Variants in SLA observed in about 807,000 individuals in gnomAD.
SLA encodes src-like-adapter.
In SLA, 16 loss-of-function variants were observed where a neutral mutation model predicts 30.3. The ratio of observed to expected loss-of-function variants is 0.53; its 90% CI spans 0.36 to 0.80. The LOEUF is 0.80. Among genes scored for constraint, SLA ranks in the 30% least tolerant of loss-of-function variants. The pLI is 0.01. For missense variants in SLA, 310 were observed against 345.2 expected, an observed-to-expected ratio of 0.90 and a Z score of 0.81; for synonymous variants, 143 against 137.8, an observed-to-expected ratio of 1.04 and a Z score of -0.26.
rs1837915817 is a variant in SLA at position 133,040,039 on chromosome 8, G to A, written c.576C>T (p.Val192=). ...APAVRASSSP[V]TLRQKTVDWR... is the part of the protein sequence containing the mutation. ...AGTCCACAGTCTTCTGACGCAAGGT[G>A]ACAGGTGAGCTGGAGGCCCTCACTG... Residue 192 remains valine (V), a synonymous_variant, in exon 8 of 9, where the codon GTC becomes GTT. Coordinates refer to ENST00000338087, the MANE Select transcript of SLA (RefSeq NM_001045556.3). 1 of 1,552,390 alleles carries A rather than the reference G, an allele frequency of 6.4e-7. No homozygotes were observed. Among genetic ancestry groups the A allele is most frequent in the Non-Finnish European group, 8.7e-7 (1 of 1,147,332 alleles).
At chr8:133,046,962 A>G (rs1163522924) in intron 6 of SLA, 2 of 152,190 alleles carry the variant, frequency 1.3e-5, no homozygotes, top group Non-Finnish European at 1.5e-5. Flanking sequence ...TGAATGTACA[A>G]GAAGCAAGCC....
At chr8:133,089,477 A>G (rs1377799110) in intron 1 of SLA, among the ~76,000 whole-genome samples, 3 of 152,198 alleles carry the variant, frequency 2.0e-5, no homozygotes. Context: ...AAAAGCCTTT[A>G]TGGATTCCTC....
intron 8 of SLA, among the ~76,000 whole-genome samples, chr8:133,038,941 A>G (rs954670978): frequency 1.3e-5 from 2 of 152,148 alleles, no homozygotes; most frequent in Non-Finnish European, 2.9e-5. Flanking sequence ...GCAGTGGTGC[A>G]ATCTCTGCTC....
At chr8:133,067,412 C>A (rs560945754) in intron 2 of SLA, among the ~76,000 whole-genome samples, 2 of 152,308 alleles carry the variant, frequency 1.3e-5, no homozygotes, top group East Asian at 3.9e-4. Flanking sequence ...TCAGAGAGGA[C>A]ATGCAACTCC....
chr8:133,039,873 G>C (rs754656209), intron 8 of SLA, 125 bp downstream of exon 8: 160 of 1,456,218 alleles, frequency 1.1e-4, no homozygotes, highest in Non-Finnish European at 1.4e-4. Flanking sequence ...TTTCAGCAGG[G>C]CTGGCTGACT....
At chr8:133,051,224 G>A (rs1041097214) in intron 3 of SLA, among the ~76,000 whole-genome samples, 1 of 152,166 alleles carries the variant, frequency 6.6e-6, no homozygotes, top group Non-Finnish European at 1.5e-5. Flanking sequence ...CGCCTGTTAC[G>A]AGTCTACTAG....
At chr8:133,061,714 A>G (rs1280709896) in intron 2 of SLA, among the ~76,000 whole-genome samples, 1 of 152,160 alleles carries the variant, frequency 6.6e-6, no homozygotes, top group Non-Finnish European at 1.5e-5. Flanking sequence ...GCAGCTCAGG[A>G]TCAAACCTTA....
intron 2 of SLA, chr8:133,072,863 G>T (rs778556322): frequency 6.6e-6 from 1 of 152,150 alleles, no homozygotes; most frequent in Non-Finnish European, 1.5e-5. Flanking sequence ...TCAGAGGGAG[G>T]AACAAGCAGA....
chr8:133,040,618 A>G (rs1250263185), intron 7 of SLA, among the ~76,000 whole-genome samples: 1 of 152,158 alleles, frequency 6.6e-6, no homozygotes, highest in Non-Finnish European at 1.5e-5. Context: ...TTACAATGGA[A>G]CAGGTGGACT....
intron 1 of SLA, among the ~76,000 whole-genome samples, chr8:133,085,979 C>T (rs1274655830): frequency 6.6e-6 from 1 of 152,162 alleles, no homozygotes; most frequent in Non-Finnish European, 1.5e-5. Flanking sequence ...CAAATGTTTA[C>T]CAGCCAATGA....
At chr8:133,055,878 A>T (rs1368136120) in intron 3 of SLA, among the ~76,000 whole-genome samples, 1 of 150,724 alleles carries the variant, frequency 6.6e-6, no homozygotes, top group Non-Finnish European at 1.5e-5. Flanking sequence ...AGCAGGGCGC[A>T]CAGCTCTGGG....
intron 3 of SLA, chr8:133,059,080 C>A (rs965005047): frequency 2.6e-5 from 12 of 456,292 alleles, no homozygotes; most frequent in Admixed American, 1.4e-4. Context: ...AGCGCAGGAA[C>A]CTGGCTCAGT....
Position 133,060,204 on chromosome 8 carries a change from T to A in SLA, c.-40-4A>T. 1 of 1,613,456 alleles carries A rather than the reference T, an allele frequency of 6.2e-7. No individual in the cohort carries two copies. Among genetic ancestry groups the A allele is most frequent in the Non-Finnish European group, 8.5e-7 (1 of 1,179,714 alleles). The stretch of plus-strand genomic sequence containing the variant: ...GGCCGCTGGTGATGCCCAGAGCCTG[T>A]GGTATAGGAGACAGACGGGGAAAGT... On this transcript the variant is annotated splice_region_variant and splice_polypyrimidine_tract_variant and intron_variant, in intron 2 of 8. Transcript: ENST00000338087.
intron 2 of SLA, among the ~76,000 whole-genome samples, chr8:133,069,524 C>A (rs1459993048): frequency 6.6e-6 from 1 of 152,168 alleles, no homozygotes; most frequent in East Asian, 1.9e-4. Context: ...CTCCTTAGCT[C>A]CTCAGGAAAG....
chr8:133,049,572 C>G, intron 5 of SLA: 1 of 327,266 alleles, frequency 3.1e-6, no homozygotes, highest in Non-Finnish European at 5.9e-6. Flanking sequence ...GGATTTGAAC[C>G]TAGACACACT....
At chr8:133,077,289 T>C (rs60623927) in intron 1 of SLA, among the ~76,000 whole-genome samples, 3,716 of 152,104 alleles carry the variant, frequency 0.024, 157 homozygotes, top group African/African-American at 0.085. Flanking sequence ...TGGGTTCCTG[T>C]TCAAGGGGTC....
chr8:133,071,979 C>A (rs1487110422), intron 2 of SLA, among the ~76,000 whole-genome samples: 1 of 152,210 alleles, frequency 6.6e-6, no homozygotes, highest in Non-Finnish European at 1.5e-5. Context: ...TATAAACTGC[C>A]TGGCACAGTA....
intron 3 of SLA, among the ~76,000 whole-genome samples, chr8:133,058,060 A>G (rs1255768040): frequency 6.6e-6 from 1 of 152,214 alleles, no homozygotes; most frequent in Non-Finnish European, 1.5e-5. Flanking sequence ...GGGTAACCGG[A>G]TGAGCAGCCA....
chr8:133,101,591 C>T (rs1298472335), intron 1 of SLA, among the ~76,000 whole-genome samples: 1 of 150,936 alleles, frequency 6.6e-6, no homozygotes, highest in African/African-American at 2.4e-5. Flanking sequence ...TAAATTGCCA[C>T]ATCCACCTAA....
Sources: allele counts gnomAD v4.1 joint callset (sites outside exome capture counted in the v4.1 genomes callset), GRCh38; gene constraint gnomAD v4.1.1; transcripts MANE v1.5; gene names NCBI Gene and HGNC (gene_info 2026-07-23, HGNC 2026-07-21).